PHF20L1: variants seen among roughly 807,000 people sequenced by gnomAD.
The protein encoded by PHF20L1 is PHD finger protein 20 like 1, also known as PHD finger protein 20-like protein 1.
Under a neutral mutation model 125.5 loss-of-function variants are expected in PHF20L1, and 44 were observed. The observed-to-expected ratio is 0.35, with a 90% CI of 0.28 to 0.45. The LOEUF is 0.45. Among genes scored for constraint, PHF20L1 ranks in the 20% least tolerant of loss-of-function variants. The pLI, the probability that PHF20L1 is intolerant of heterozygous loss-of-function variation, is 1.00. For synonymous variants in PHF20L1, 380 were observed against 403.1 expected (o/e 0.94, Z 0.69); for missense variants, 1,012 against 1,217.2 (o/e 0.83, Z 2.51).
At chr8:132,832,632 T>C (rs1587051295) in intron 15 of PHF20L1, among the ~76,000 whole-genome samples, 1 of 152,104 alleles carries the variant, frequency 6.6e-6, no homozygotes, top group Non-Finnish European at 1.5e-5. Flanking sequence ...TATATACTTC[T>C]GTAGGTTTTT....
chr8:132,819,310 G>T (rs1341380497), intron 12 of PHF20L1, among the ~76,000 whole-genome samples: 1 of 151,832 alleles, frequency 6.6e-6, no homozygotes, highest in African/African-American at 2.4e-5. Context: ...TAGTACAGTA[G>T]CTGTCAACTT....
chr8:132,785,663 T>C (rs1830934000), intron 2 of PHF20L1, among the ~76,000 whole-genome samples: 1 of 152,154 alleles, frequency 6.6e-6, no homozygotes, highest in South Asian at 2.1e-4. Flanking sequence ...ATACTTCTTA[T>C]TAAATTAGAA....
chr8:132,832,202 T>C (rs750820942), intron 14 of PHF20L1, 33 bp from the exon 15 acceptor site: 7 of 1,356,846 alleles, frequency 5.2e-6, no homozygotes, highest in Admixed American at 1.7e-5. Flanking sequence ...TCTGACACTT[T>C]ATTAATATTT....
At chr8:132,800,952 A>G (rs1586914610) in intron 6 of PHF20L1, among the ~76,000 whole-genome samples, 1 of 151,418 alleles carries the variant, frequency 6.6e-6, no homozygotes, top group Non-Finnish European at 1.5e-5. Context: ...CCCTACCTAC[A>G]GTTTTTTCTT....
At chr8:132,787,432 A>G (rs1831181085) in intron 2 of PHF20L1, among the ~76,000 whole-genome samples, 1 of 152,130 alleles carries the variant, frequency 6.6e-6, no homozygotes, top group East Asian at 1.9e-4. Flanking sequence ...CTGTCAGCTC[A>G]TGCCAGATGT....
chr8:132,778,821 A>T (rs1245429352), intron 2 of PHF20L1, among the ~76,000 whole-genome samples: 2 of 152,088 alleles, frequency 1.3e-5, no homozygotes, highest in Non-Finnish European at 2.9e-5. Context: ...TCTGGGAGGG[A>T]TGCTGCCTTT....
At chr8:132,821,571 T>G (rs978452662) in intron 12 of PHF20L1, among the ~76,000 whole-genome samples, 1 of 152,006 alleles carries the variant, frequency 6.6e-6, no homozygotes. Flanking sequence ...GAGACTCTGT[T>G]GCCTCCACCC....
chr8:132,817,509 G>A lies in PHF20L1; in HGVS notation c.1543G>A (p.Ala515Thr), dbSNP rs890086998. ...GATGCTTCCAAATCCTTCTTCCAAA[G>A]CAATAGCTGATGGAAGAGGAGCTCC... ...TQMLPNPSSKAIADGRGAPAA... is the reference protein window; with the variant it reads ...TQMLPNPSSKTIADGRGAPAA... The change falls in exon 12 of 21, where the codon GCA becomes ACA. Residue 515 changes from alanine (A) to threonine (T), a missense_variant. Physicochemically the swap from Ala to Thr is moderately conservative, Grantham distance 58 (BLOSUM62 0). Around this residue, in one of 7 missense-constraint regions of PHF20L1, gnomAD observed 320 missense variants for 293.8 expected, o/e 1.09. Transcript: ENST00000395386. The A allele has an allele frequency of 1.1e-5, 17 of 1,611,706 alleles. No homozygotes were observed. The highest frequency in any genetic ancestry group is 1.4e-5 in the Non-Finnish European group (17 of 1,178,918).
intron 1 of PHF20L1, among the ~76,000 whole-genome samples, chr8:132,776,079 C>G (rs1829710436): frequency 6.6e-6 from 1 of 152,220 alleles, no homozygotes; most frequent in African/African-American, 2.4e-5. Flanking sequence ...TTGCTCCTTT[C>G]CTTACTGTTT....
chr8:132,823,961 A>C (rs10102374), intron 12 of PHF20L1, 43 bp from the exon 13 acceptor site: 41,455 of 1,179,542 alleles, frequency 0.035, 883 homozygotes, highest in Middle Eastern at 0.043. Context: ...CATACTTTTA[A>C]GTTTTTCTGA....
At position 132,832,413 on chromosome 8, in the gene PHF20L1, T is replaced by C; in HGVS notation, c.1909+14T>C. The C allele has an allele frequency of 1.9e-6, 3 of 1,587,286 alleles. No individual in the cohort carries two copies. Among genetic ancestry groups the C allele is most frequent in the African/African-American group, 1.3e-5 (1 of 74,418 alleles). On this transcript the variant is annotated intron_variant, in intron 15 of 20. Coordinates refer to ENST00000395386, the MANE Select transcript of PHF20L1 (RefSeq NM_016018.5). ...TTAGTGGTGAAAGTATGTGTAACCA[T>C]GTGATGGTTAAAACAAGACTTACAA...
intron 17 of PHF20L1, chr8:132,838,468 A>G (rs1310618681): frequency 6.6e-6 from 1 of 152,450 alleles, no homozygotes; most frequent in Non-Finnish European, 1.5e-5. Context: ...TTGACTCTCA[A>G]TCCACCATGC....
At chr8:132,791,304 A>T (rs1474467937) in intron 2 of PHF20L1, among the ~76,000 whole-genome samples, 1 of 132,888 alleles carries the variant, frequency 7.5e-6, no homozygotes, top group Non-Finnish European at 1.5e-5. Flanking sequence ...ATTGTTGCCC[A>T]GTGCAATGGT....
chr8:132,839,859 G>A (rs750778759), intron 18 of PHF20L1, among the ~76,000 whole-genome samples: 6 of 152,078 alleles, frequency 3.9e-5, no homozygotes, highest in Non-Finnish European at 8.8e-5. Context: ...TATGCTTACC[G>A]TATGTGCAAA....
chr8:132,835,993 C>G (rs1434892530), intron 15 of PHF20L1, among the ~76,000 whole-genome samples: 1 of 151,584 alleles, frequency 6.6e-6, no homozygotes, highest in African/African-American at 2.4e-5. Context: ...CTTTACAATT[C>G]AGAGTTTTTT....
intron 2 of PHF20L1, among the ~76,000 whole-genome samples, chr8:132,783,551 A>C (rs968057408): frequency 6.6e-5 from 10 of 152,148 alleles, no homozygotes; most frequent in African/African-American, 2.2e-4. Flanking sequence ...TGTCATCTAT[A>C]TTTAGAGTAG....
chr8:132,825,083 A>G lies in PHF20L1; in HGVS notation c.1637-181A>G, dbSNP rs149751763. On this transcript the variant is annotated intron_variant, in intron 13 of 20. Coordinates refer to ENST00000395386, the MANE Select transcript of PHF20L1 (RefSeq NM_016018.5). ...GCACTGCTAATGAAGATCCCCTCTT[A>G]TAGTCCAATAAGCTTATCAGGACTT... The G allele has an allele frequency of 5.9e-4, 895 of 1,507,622 alleles. 3 individuals carry two copies. Among genetic ancestry groups the G allele is most frequent in the Non-Finnish European group, 3.2e-4 (353 of 1,110,956 alleles). The allele number at this position is 1,507,622 out of a possible 1,614,324, so 93.4% of individuals were successfully genotyped here. A position where few individuals can be genotyped will look rare whatever the true frequency, so the allele number is the denominator to read the frequency against.
chr8:132,842,744 T>C lies in PHF20L1; in HGVS notation c.2617T>C (p.Cys873Arg), dbSNP rs773484498. The C allele has an allele frequency of 2.5e-6, 4 of 1,613,420 alleles. No homozygotes were observed. The highest frequency in any genetic ancestry group is 2.5e-6 in the Non-Finnish European group (3 of 1,179,618). ...YQKPQSFGQD[C>R]KSLADPGSSD... The stretch of plus-strand genomic sequence containing the variant: ...AAAGCCACAAAGTTTTGGTCAGGAC[T>C]GTAAATCTCTCGCAGACCCTGGGAG... The change falls in exon 19 of 21, where the codon TGT (cysteine) becomes CGT (arginine). Residue 873 changes from cysteine to arginine, a missense_variant. By Grantham distance (180) the Cys-to-Arg change is radical. Transcript: ENST00000395386.
At chr8:132,804,502 G>A (rs542709456) in intron 7 of PHF20L1, 113 bp from the exon 8 acceptor site, 5 of 703,368 alleles carry the variant, frequency 7.1e-6, no homozygotes, top group African/African-American at 3.7e-5. Flanking sequence ...GTATCAAGTA[G>A]TAGATTAAAA....
Sources: gnomAD v4.1 joint callset for allele counts (sites outside exome capture counted in the v4.1 genomes callset) on GRCh38, gnomAD v4.1.1 for gene constraint, gnomAD v4.1.1 regional missense constraint, MANE v1.5 for transcripts, NCBI Gene and HGNC (gene_info 2026-07-23, HGNC 2026-07-21) for gene names.